The following TXNL1 variants were observed in gnomAD, a reference collection of about 807,000 sequenced individuals.
TXNL1 encodes thioredoxin-like protein 1.
TXNL1 carries 14 observed loss-of-function variants against 35.5 expected under a neutral mutation model. The observed-to-expected ratio is 0.39, with a 90% CI of 0.26 to 0.62. TXNL1 has a LOEUF of 0.62. TXNL1 is among the 20% of genes least tolerant of loss of function. The pLI is 0.47. For missense variants in TXNL1, 263 were observed against 349.7 expected (o/e 0.75, Z 1.98); for synonymous variants, 110 against 115.5 (o/e 0.95, Z 0.31).
chr18:56,626,251 T>C (rs771986872), intron 2 of TXNL1, 110 bp downstream of exon 2: 3 of 1,473,032 alleles, frequency 2.0e-6, no homozygotes, highest in Non-Finnish European at 2.7e-6. Flanking sequence ...TCTTCCTATC[T>C]TCAAAGGAAT....
At chr18:56,616,397 G>T in intron 4 of TXNL1, 83 bp from the exon 5 acceptor site, 1 of 1,275,918 alleles carries the variant, frequency 7.8e-7, no homozygotes, top group South Asian at 1.4e-5. Flanking sequence ...GAAAATAACA[G>T]GCAAGAAAAA....
chr18:56,630,434 G>GAAC (rs1372039463), intron 1 of TXNL1, among the ~76,000 whole-genome samples: 1 of 152,170 alleles, frequency 6.6e-6, no homozygotes, highest in Non-Finnish European at 1.5e-5. Context: ...CCCTTCTGGG[G>GAAC]AACAAACGCT....
At chr18:56,637,250 CTT>C (rs1223735403) in intron 1 of TXNL1, among the ~76,000 whole-genome samples, 1 of 152,190 alleles carries the variant, frequency 6.6e-6, no homozygotes, top group East Asian at 1.9e-4. Flanking sequence ...CTAGTAGAAA[CTT>C]TGTTTTTTGC....
At chr18:56,616,468 G>A (rs1416705192) in intron 4 of TXNL1, among the ~76,000 whole-genome samples, 154 bp from the exon 5 acceptor site, 1 of 151,756 alleles carries the variant, frequency 6.6e-6, no homozygotes, top group Non-Finnish European at 1.5e-5. Flanking sequence ...CAAGTGGAGA[G>A]TCACTTGATT....
At chr18:56,604,712 T>TGGGC (rs1217429112) in intron 7 of TXNL1, among the ~76,000 whole-genome samples, 1 of 152,198 alleles carries the variant, frequency 6.6e-6, no homozygotes, top group African/African-American at 2.4e-5. Context: ...TGAGCTCACT[T>TGGGC]GGGCAAAAGC....
intron 6 of TXNL1, among the ~76,000 whole-genome samples, chr18:56,614,213 A>G (rs906693999): frequency 9.2e-5 from 14 of 152,192 alleles, no homozygotes; most frequent in African/African-American, 3.1e-4. Flanking sequence ...ATAACTGACA[A>G]AACCCCACAA....
intron 1 of TXNL1, among the ~76,000 whole-genome samples, chr18:56,629,594 A>G (rs7233672): frequency 0.088 from 13,400 of 152,220 alleles, 1,389 homozygotes; most frequent in African/African-American, 0.25. Context: ...ATAAATGCAT[A>G]GGGGGTAAAA....
At chr18:56,626,797 C>CTTTGTTTTTTTTTT (rs2024289688) in intron 1 of TXNL1, among the ~76,000 whole-genome samples, 1 of 55,000 alleles carries the variant, frequency 1.8e-5, no homozygotes, top group Non-Finnish European at 3.2e-5. Context: ...CCAAGCCGGT[C>CTTTGTTTTTTTTTT]TTTTTTTTTT....
chr18:56,614,328 A>G (rs2024046995), intron 6 of TXNL1, 96 bp downstream of exon 6: 1 of 1,088,204 alleles, frequency 9.2e-7, no homozygotes, highest in African/African-American at 1.6e-5. Flanking sequence ...GTGAATAAAT[A>G]CCACTTTAAA....
Position 56,638,542 on chromosome 18 carries a change from G to A in TXNL1, c.-102C>T. 1.6e-6 allele frequency: 2 copies of A among 1,247,520 alleles called. No individual in the cohort carries two copies. The highest frequency in any genetic ancestry group is 2.8e-5 in the South Asian group (2 of 71,182). The allele number at this position is 1,247,520 out of a possible 1,614,324, so 77.3% of individuals were successfully genotyped here. A position where few individuals can be genotyped will look rare whatever the true frequency, so the allele number is the denominator to read the frequency against. ...AGGAGAGATGCTCAGGAAGGCCGAG[G>A]CCTGGACAGAAGAGGTGGCGACCGC... On this transcript the variant is annotated 5_prime_UTR_variant, in exon 1 of 8. Transcript: ENST00000217515.
rs927190515 is a variant in TXNL1 at position 56,599,407 on chromosome 18, T to C, written c.*3620A>G. On this transcript the variant is annotated 3_prime_UTR_variant, in exon 8 of 8. Coordinates refer to ENST00000217515, the MANE Select transcript of TXNL1 (RefSeq NM_004786.3). ...GGAATAGTCAATATTTTAAAATTTA[T>C]TTACTATATGCATGTTATATATACT... 2.0e-5 allele frequency: 3 copies of C among 151,474 alleles called. No homozygotes were observed. The highest frequency in any genetic ancestry group is 4.4e-5 in the Non-Finnish European group (3 of 68,024). The allele number at this position is 151,474 out of a possible 1,614,324, so 9.4% of individuals were successfully genotyped here.
intron 4 of TXNL1, 24 bp from the exon 5 acceptor site, chr18:56,616,338 TA>T: frequency 1.2e-6 from 2 of 1,606,096 alleles, no homozygotes; most frequent in African/African-American, 1.3e-5. Context: ...AGTTTCATTT[TA>T]AAGGGCTCTT....
At chr18:56,623,714 G>A (rs561920496) in intron 3 of TXNL1, among the ~76,000 whole-genome samples, 1 of 151,336 alleles carries the variant, frequency 6.6e-6, no homozygotes, top group East Asian at 1.9e-4. Context: ...TCTTTATGTT[G>A]TTATTTGAAA....
At chr18:56,611,985 A>G (rs896203060) in intron 6 of TXNL1, among the ~76,000 whole-genome samples, 1 of 144,458 alleles carries the variant, frequency 6.9e-6, no homozygotes, top group African/African-American at 2.6e-5. Context: ...AGGAGGGGGG[A>G]CTACAGGCAC....
intron 7 of TXNL1, among the ~76,000 whole-genome samples, 159 bp from the exon 8 acceptor site, chr18:56,603,215 C>T (rs1268488739): frequency 6.6e-6 from 1 of 151,854 alleles, no homozygotes; most frequent in Non-Finnish European, 1.5e-5. Context: ...ACTGTGACCT[C>T]CCCTCCAATC....
chr18:56,621,900 C>T (rs552358683), intron 3 of TXNL1, among the ~76,000 whole-genome samples: 119 of 150,304 alleles, frequency 7.9e-4, no homozygotes, highest in African/African-American at 2.8e-3. Context: ...CTTGGGAGCC[C>T]GAGGCAGAAC....
chr18:56,621,674 C>T (rs758746541), intron 3 of TXNL1, among the ~76,000 whole-genome samples: 9 of 152,014 alleles, frequency 5.9e-5, no homozygotes, highest in Non-Finnish European at 1.0e-4. Flanking sequence ...GGAAAATAAT[C>T]AGGTTAATCC....
Position 56,614,566 on chromosome 18 carries a change from A to G in TXNL1, c.593T>C (p.Ile198Thr). The change falls in exon 6 of 8, where the codon ATC becomes ACC. Residue 198 changes from isoleucine (I) to threonine (T), a missense_variant. Transcript: ENST00000217515. ...AAAATCCATAGATCGGGGTAGGTTG[A>G]TAAAAATTTTTACATATTTAGGGCC... ...GQGPKYVKIF[I>T]NLPRSMDFEE... 6.2e-7 allele frequency: 1 copy of G among 1,613,604 alleles called. No homozygotes were observed. Among genetic ancestry groups the G allele is most frequent in the Non-Finnish European group, 8.5e-7 (1 of 1,179,888 alleles).
At chr18:56,613,751 T>C (rs1341600023) in intron 6 of TXNL1, among the ~76,000 whole-genome samples, 6 of 152,270 alleles carry the variant, frequency 3.9e-5, no homozygotes, top group Admixed American at 2.6e-4. Flanking sequence ...ATCAGGGCTA[T>C]ACTGAACCAA....
Sources: allele counts gnomAD v4.1 joint callset (sites outside exome capture counted in the v4.1 genomes callset), GRCh38; gene constraint gnomAD v4.1.1; transcripts MANE v1.5; gene names NCBI Gene and HGNC (gene_info 2026-07-23, HGNC 2026-07-21).